Variants in SCN8A observed in about 807,000 individuals in gnomAD.
SCN8A encodes sodium voltage-gated channel alpha subunit 8, also known as sodium channel protein type 8 subunit alpha.
In SCN8A, 30 loss-of-function variants were observed where a neutral mutation model predicts 184.1. The observed-to-expected ratio is 0.16, with a 90% CI of 0.12 to 0.22. The LOEUF (loss-of-function observed/expected upper bound fraction) is 0.22, where lower values mean the gene tolerates loss of function less well. Ranked by LOEUF, SCN8A falls within the 10% of genes least tolerant of loss-of-function variation. SCN8A has a pLI of 1.00. For missense variants in SCN8A, 1,057 were observed against 2,498.9 expected, an observed-to-expected ratio of 0.42 and a Z score of 12.30; for synonymous variants, 852 against 907.0, an observed-to-expected ratio of 0.94 and a Z score of 1.09.
At chr12:51,796,883 G>C (rs1938426580) in intron 26 of SCN8A, among the ~76,000 whole-genome samples, 1 of 152,220 alleles carries the variant, frequency 6.6e-6, no homozygotes, top group African/African-American at 2.4e-5. Flanking sequence ...GACTCAGCAA[G>C]TCAGCTTCTT....
chr12:51,692,130 C>A (rs112084704), intron 6 of SCN8A, among the ~76,000 whole-genome samples: 37 of 152,282 alleles, frequency 2.4e-4, no homozygotes, highest in African/African-American at 8.2e-4. Flanking sequence ...CTCCTCTTCC[C>A]AGTTTGGTTA....
intron 12 of SCN8A, among the ~76,000 whole-genome samples, chr12:51,735,848 A>G (rs1942317073): frequency 6.6e-6 from 1 of 152,182 alleles, no homozygotes; most frequent in Admixed American, 6.5e-5. Flanking sequence ...TTTGGCCTGG[A>G]GAAATACAAG....
intron 1 of SCN8A, among the ~76,000 whole-genome samples, chr12:51,654,015 A>T (rs988805753): frequency 6.6e-6 from 1 of 152,180 alleles, no homozygotes; most frequent in African/African-American, 2.4e-5. Flanking sequence ...AGAAAAGTCT[A>T]TTCAAGTCTT....
At chr12:51,796,506 G>A (rs1333072247) in intron 26 of SCN8A, among the ~76,000 whole-genome samples, 1 of 152,192 alleles carries the variant, frequency 6.6e-6, no homozygotes, top group African/African-American at 2.4e-5. Context: ...ACATTAATTT[G>A]TTCAGAAACA....
At chr12:51,770,742 G>A in intron 19 of SCN8A, 59 bp downstream of exon 19, 2 of 1,567,808 alleles carry the variant, frequency 1.3e-6, no homozygotes. Context: ...AGAGAAGCCA[G>A]TGGGAAAAGG....
chr12:51,788,414 T>C (rs761739805), intron 22 of SCN8A: 9 of 232,004 alleles, frequency 3.9e-5, no homozygotes, highest in Non-Finnish European at 6.6e-5. Flanking sequence ...TCCCTAACTT[T>C]AGGCAGGCTT....
rs1375638748 is a variant in SCN8A at position 51,774,351 on chromosome 12, C to T, written c.3808C>T (p.Leu1270Phe). Residue 1270 changes from leucine to phenylalanine, a missense_variant, in exon 20 of 27, where the codon CTC becomes TTC. Around this residue, in one of 19 missense-constraint regions of SCN8A, gnomAD observed 43 missense variants for 118.4 expected, o/e 0.36. Coordinates refer to ENST00000627620, the MANE Select transcript of SCN8A (RefSeq NM_001330260.2). ...CAATGCCTGGTGTTGGCTGGACTTC[C>T]TCATTGTGGCTGTAGGTGTCTTGCT... ...FTNAWCWLDF[L>F]IVAVSLVSLI... is the part of the protein sequence containing the mutation. 3 of 1,608,990 alleles carry T rather than the reference C, an allele frequency of 1.9e-6. No homozygotes were observed. The Admixed American group carries it at 5.0e-5, about 27-fold the overall frequency.
In SCN8A at chr12:51,812,309, G is replaced by T; in HGVS notation, c.*4880G>T. 6 of 156,700 alleles carry T rather than the reference G, an allele frequency of 3.8e-5. No individual in the cohort carries two copies. In the South Asian group the frequency reaches 1.1e-3, roughly 28 times the overall value. 9.7% of individuals were successfully genotyped at this position (156,700 alleles called of 1,614,324 possible). ...CAGAACTGTGTTCTGTCCCTAGCTT[G>T]ACCGCTGGCTCGCTGTGTGGCCTTG... On this transcript the variant is annotated 3_prime_UTR_variant, in exon 27 of 27. Coordinates refer to ENST00000627620, the MANE Select transcript of SCN8A (RefSeq NM_001330260.2).
At chr12:51,595,907 T>C (rs768357848) in intron 1 of SCN8A, among the ~76,000 whole-genome samples, 2 of 152,248 alleles carry the variant, frequency 1.3e-5, no homozygotes, top group Non-Finnish European at 2.9e-5. Context: ...AAAGTTTTAC[T>C]GTACAATTGC....
intron 1 of SCN8A, among the ~76,000 whole-genome samples, chr12:51,647,265 A>C (rs779133676): frequency 6.6e-6 from 1 of 152,226 alleles, no homozygotes; most frequent in African/African-American, 2.4e-5. Context: ...ATAATCATAC[A>C]TTTATATCCA....
Position 51,765,654 on chromosome 12 carries a change from G to GC in SCN8A, c.2545-17_2545-16insC, listed in dbSNP as rs1592149667. 3 of 1,172,606 alleles carry GC rather than the reference G, an allele frequency of 2.6e-6. No homozygotes were observed. Among genetic ancestry groups the GC allele is most frequent in the Non-Finnish European group, 3.5e-6 (3 of 857,642 alleles). 72.6% of individuals were successfully genotyped at this position (1,172,606 alleles called of 1,614,324 possible). On this transcript the variant is annotated splice_polypyrimidine_tract_variant and intron_variant, in intron 15 of 26. Transcript: ENST00000627620. ...GAGTATCATTTATTTTTTTGTTTGGGTTTTTTTTTTCCTTAGCTCCGAGTC... is the reference window on the plus strand; with the variant it reads ...GAGTATCATTTATTTTTTTGTTTGGGCTTTTTTTTTTCCTTAGCTCCGAGTC...
chr12:51,593,400 T>A (rs1939275025), intron 1 of SCN8A, among the ~76,000 whole-genome samples: 1 of 152,228 alleles, frequency 6.6e-6, no homozygotes, highest in South Asian at 2.1e-4. Context: ...GGCTTCAGTT[T>A]GAGCAGCTTT....
At chr12:51,603,572 A>G (rs1457929416) in intron 1 of SCN8A, among the ~76,000 whole-genome samples, 2 of 152,222 alleles carry the variant, frequency 1.3e-5, no homozygotes, top group Non-Finnish European at 2.9e-5. Context: ...TTGCTGGGTA[A>G]TATAGTAAGT....
At chr12:51,734,251 A>C (rs182711098) in intron 12 of SCN8A, among the ~76,000 whole-genome samples, 15 of 152,308 alleles carry the variant, frequency 9.8e-5, no homozygotes, top group Admixed American at 9.2e-4. Context: ...AGAGGAATTA[A>C]AGACACACAC....
At chr12:51,758,868 CT>C (rs1413584949) in intron 14 of SCN8A, among the ~76,000 whole-genome samples, 1 of 152,194 alleles carries the variant, frequency 6.6e-6, no homozygotes, top group Non-Finnish European at 1.5e-5. Context: ...CAGTAGTCCT[CT>C]CTTATCCAAG....
At chr12:51,601,263 T>C (rs1206663696) in intron 1 of SCN8A, among the ~76,000 whole-genome samples, 1 of 152,218 alleles carries the variant, frequency 6.6e-6, no homozygotes, top group African/African-American at 2.4e-5. Flanking sequence ...AGATTTTTCT[T>C]ATTTCTTAAC....
Position 51,689,130 on chromosome 12 carries a change from A to C in SCN8A, c.706+34A>C, listed in dbSNP as rs896530163. The C allele has an allele frequency of 2.0e-6, 3 of 1,469,084 alleles. No individual in the cohort carries two copies. The African/African-American group carries it at 4.2e-5, about 20-fold the overall frequency. 91.0% of individuals were successfully genotyped at this position (1,469,084 alleles called of 1,614,324 possible). A position where few individuals can be genotyped will look rare whatever the true frequency, so the allele number is the denominator to read the frequency against. ...ATTTGTACATAAGACTGACTTTGCC[A>C]CATCTCCTCTTTCTCCTCCATTCGT... is the stretch of plus-strand genomic sequence containing the variant. On this transcript the variant is annotated intron_variant, in intron 6 of 26. Coordinates refer to ENST00000627620, the MANE Select transcript of SCN8A (RefSeq NM_001330260.2).
Position 51,616,564 on chromosome 12 carries a change from A to G in SCN8A, c.-55+25205A>G, listed in dbSNP as rs116523790. Among the ~76,000 whole-genome samples, 994 of 152,076 alleles carry G rather than the reference A, an allele frequency of 6.5e-3. 14 individuals are homozygous for G. The highest frequency in any genetic ancestry group is 0.022 in the African/African-American group (921 of 41,462). ...GAGGCGGAGGTACAGTGAGCAAAGA[A>G]TGCACCACTGCACCCCAGCCTGGGC... On this transcript the variant is annotated intron_variant, in intron 1 of 26. Coordinates refer to ENST00000627620, the MANE Select transcript of SCN8A (RefSeq NM_001330260.2).
In SCN8A at chr12:51,644,270, A is replaced by C. The variant is rs192555953; in HGVS notation, c.-54-18494A>C. ...GAAGTAGTGTGGTGAAGTTGTTAAG[A>C]ACACAGACCTTGGGGCCAAACAGCT... is the stretch of plus-strand genomic sequence containing the variant. On this transcript the variant is annotated intron_variant, in intron 1 of 26. Transcript: ENST00000627620. 2.1e-4 allele frequency among the ~76,000 whole-genome samples: 32 copies of C among 152,312 alleles called. No homozygotes were observed. In the East Asian group the frequency reaches 6.0e-3, roughly 29 times the overall value.
Sources: allele counts gnomAD v4.1 joint callset (sites outside exome capture counted in the v4.1 genomes callset), GRCh38; gene constraint gnomAD v4.1.1; regional missense constraint gnomAD v4.1.1; transcripts MANE v1.5; gene names NCBI Gene and HGNC (gene_info 2026-07-23, HGNC 2026-07-21).